Variants in EGF observed in about 807,000 individuals in gnomAD.
The protein encoded by EGF is pro-epidermal growth factor.
Under a neutral mutation model 143.8 loss-of-function variants are expected in EGF, and 95 were observed. The observed-to-expected ratio is 0.66, with a 90% CI of 0.56 to 0.78. EGF has a LOEUF of 0.78. Ranked by LOEUF, EGF falls within the 30% of genes least tolerant of loss-of-function variation. The pLI is 0.00. For missense variants in EGF, 1,320 were observed against 1,470.9 expected (o/e 0.90, Z 1.68); for synonymous variants, 510 against 510.5 (o/e 1.00, Z 0.01).
intron 5 of EGF, among the ~76,000 whole-genome samples, chr4:109,949,690 A>C (rs1743511561): frequency 6.6e-6 from 1 of 152,028 alleles, no homozygotes; most frequent in South Asian, 2.1e-4. Flanking sequence ...GTCAAGCTGC[A>C]AAGATCTGCT....
At chr4:109,986,832 GA>G (rs1291873496) in intron 16 of EGF, among the ~76,000 whole-genome samples, 1 of 152,060 alleles carries the variant, frequency 6.6e-6, no homozygotes, top group Non-Finnish European at 1.5e-5. Flanking sequence ...AGTATGAAAT[GA>G]AATGATCCAT....
rs530629722 is a variant in EGF at position 109,933,105 on chromosome 4, C to T, written c.128-7841C>T. On this transcript the variant is annotated intron_variant, in intron 1 of 23. Coordinates refer to ENST00000265171, the MANE Select transcript of EGF (RefSeq NM_001963.6). ...TTCACATCTATAATTTCATTTTTTT[C>T]CCATAATAATCCTCTGATACAGGCA... 5.1e-4 allele frequency among the ~76,000 whole-genome samples: 78 copies of T among 152,178 alleles called. No homozygotes were observed. In the East Asian group the frequency reaches 0.014, roughly 28 times the overall value.
intron 2 of EGF, among the ~76,000 whole-genome samples, chr4:109,941,739 T>C (rs1249540904): frequency 1.3e-5 from 2 of 152,170 alleles, no homozygotes; most frequent in African/African-American, 4.8e-5. Context: ...ACCTGACACG[T>C]AGAAAGAAAA....
At position 109,963,170 on chromosome 4, in the gene EGF, T is replaced by C. The variant is rs374819951; in HGVS notation, c.1313-3T>C. 6 of 1,613,892 alleles carry C rather than the reference T, an allele frequency of 3.7e-6. No homozygotes were observed. The highest frequency in any genetic ancestry group is 1.7e-5 in the Admixed American group (1 of 59,984). Reference sequence around the variant, plus strand: ...CATCATTACTAAGCAATTGTTTTTGTAGGTTGTTCCTCACCCGATAATGGT... The same window carrying C: ...CATCATTACTAAGCAATTGTTTTTGCAGGTTGTTCCTCACCCGATAATGGT... On this transcript the variant is annotated splice_polypyrimidine_tract_variant and splice_region_variant and intron_variant, in intron 8 of 23. Coordinates refer to ENST00000265171, the MANE Select transcript of EGF (RefSeq NM_001963.6).
At chr4:109,967,311 C>T (rs60044556) in intron 10 of EGF, among the ~76,000 whole-genome samples, 68 of 152,064 alleles carry the variant, frequency 4.5e-4, no homozygotes, top group Non-Finnish European at 9.0e-4. Flanking sequence ...CTTTTCCCAA[C>T]GTATATTTTT....
chr4:109,925,313 C>A (rs952270493), intron 1 of EGF, among the ~76,000 whole-genome samples: 1 of 152,146 alleles, frequency 6.6e-6, no homozygotes, highest in Admixed American at 6.5e-5. Context: ...AAGTACTAAG[C>A]AATTATACTG....
At chr4:109,931,936 CTA>C (rs1739775556) in intron 1 of EGF, among the ~76,000 whole-genome samples, 1 of 152,110 alleles carries the variant, frequency 6.6e-6, no homozygotes, top group Non-Finnish European at 1.5e-5. Flanking sequence ...TATAACTACT[CTA>C]TTTTTTTGAA....
At chr4:109,966,616 A>C (rs1441023365) in intron 10 of EGF, among the ~76,000 whole-genome samples, 1 of 152,158 alleles carries the variant, frequency 6.6e-6, no homozygotes, top group South Asian at 2.1e-4. Context: ...AGAAATCACC[A>C]TACTTTTTCC....
intron 22 of EGF, among the ~76,000 whole-genome samples, chr4:110,007,767 T>A (rs1466255420): frequency 1.3e-5 from 2 of 152,170 alleles, no homozygotes; most frequent in Non-Finnish European, 2.9e-5. Context: ...TGTGTGTGTA[T>A]GAAAAGTTGT....
chr4:109,972,376 T>C (rs940045536), intron 11 of EGF, among the ~76,000 whole-genome samples: 2 of 152,190 alleles, frequency 1.3e-5, no homozygotes, highest in Non-Finnish European at 2.9e-5. Flanking sequence ...CAGGAGCTTA[T>C]GTCGTTCTCG....
intron 11 of EGF, 151 bp downstream of exon 11, chr4:109,969,270 TC>T: frequency 2.1e-6 from 2 of 935,444 alleles, no homozygotes; most frequent in Non-Finnish European, 1.7e-6. Flanking sequence ...CGGTCCACAC[TC>T]CCTCCACTTC....
chr4:110,000,212 C>T (rs888658935), intron 21 of EGF, among the ~76,000 whole-genome samples: 1 of 149,068 alleles, frequency 6.7e-6, no homozygotes, highest in African/African-American at 2.5e-5. Context: ...GATCATGCCA[C>T]TCCACTCCAG....
intron 5 of EGF, among the ~76,000 whole-genome samples, chr4:109,946,074 A>T (rs192433696): frequency 6.6e-6 from 1 of 152,074 alleles, no homozygotes; most frequent in Non-Finnish European, 1.5e-5. Flanking sequence ...AATTTTTCCC[A>T]CTGTCTCACC....
intron 1 of EGF, among the ~76,000 whole-genome samples, chr4:109,936,382 C>T (rs748752842): frequency 9.2e-5 from 14 of 152,062 alleles, no homozygotes; most frequent in Non-Finnish European, 1.2e-4. Flanking sequence ...TCTGTGGGAT[C>T]GGTGGTGATA....
At chr4:109,985,548 C>A (rs1750005127) in intron 16 of EGF, among the ~76,000 whole-genome samples, 1 of 152,194 alleles carries the variant, frequency 6.6e-6, no homozygotes, top group African/African-American at 2.4e-5. Context: ...CAGACATGGA[C>A]ATGTGTGCTA....
At chr4:109,925,620 C>A (rs1201880704) in intron 1 of EGF, among the ~76,000 whole-genome samples, 2 of 152,134 alleles carry the variant, frequency 1.3e-5, no homozygotes, top group African/African-American at 4.8e-5. Flanking sequence ...TCTCCAATGC[C>A]AGTAATCTTA....
At chr4:109,919,918 C>T (rs1321671014) in intron 1 of EGF, among the ~76,000 whole-genome samples, 1 of 151,724 alleles carries the variant, frequency 6.6e-6, no homozygotes, top group Non-Finnish European at 1.5e-5. Context: ...AAACGATACA[C>T]ATCTGTAAAT....
At chr4:109,919,585 A>T (rs568630353) in intron 1 of EGF, among the ~76,000 whole-genome samples, 1 of 147,580 alleles carries the variant, frequency 6.8e-6, no homozygotes, top group Non-Finnish European at 1.5e-5. Flanking sequence ...ATTCTTAAAG[A>T]GGACTTCAGT....
At chr4:109,965,022 A>C (rs563774071) in intron 10 of EGF, among the ~76,000 whole-genome samples, 1 of 152,158 alleles carries the variant, frequency 6.6e-6, no homozygotes, top group Non-Finnish European at 1.5e-5. Flanking sequence ...TAAGTTTTAT[A>C]GCTCATGTGA....
Sources: gnomAD v4.1 joint callset for allele counts (sites outside exome capture counted in the v4.1 genomes callset) on GRCh38, gnomAD v4.1.1 for gene constraint, MANE v1.5 for transcripts, NCBI Gene and HGNC (gene_info 2026-07-23, HGNC 2026-07-21) for gene names.